The following RXYLT1 variants were observed in gnomAD, a reference collection of about 807,000 sequenced individuals.
RXYLT1 encodes ribitol-5-phosphate xylosyltransferase 1.
In RXYLT1, 41 loss-of-function variants were observed where a neutral mutation model predicts 43.5. The ratio of observed to expected loss-of-function variants is 0.94; its 90% CI spans 0.73 to 1.22. The LOEUF is 1.22. RXYLT1 is among the 50% of genes most tolerant of loss of function. The probability of loss-of-function intolerance (pLI) is 0.00; values close to 1 mark genes in which losing one functional copy is unlikely to be tolerated. For synonymous variants in RXYLT1, 166 were observed against 194.4 expected (o/e 0.85, Z 1.21); for missense variants, 514 against 532.0 (o/e 0.97, Z 0.33).
chr12:63,789,569 A>C (rs572553954), intron 3 of RXYLT1, among the ~76,000 whole-genome samples: 6 of 152,340 alleles, frequency 3.9e-5, no homozygotes, highest in South Asian at 4.1e-4. Flanking sequence ...GGATCACCAC[A>C]AACTTTCAAT....
intron 3 of RXYLT1, among the ~76,000 whole-genome samples, chr12:63,789,089 A>G (rs1403937627): frequency 6.6e-6 from 1 of 152,212 alleles, no homozygotes; most frequent in African/African-American, 2.4e-5. Context: ...CTAAGAATCC[A>G]TGCCTATATT....
intron 5 of RXYLT1, 142 bp downstream of exon 5, chr12:63,805,546 T>C (rs1363143168): frequency 2.5e-6 from 2 of 790,504 alleles, no homozygotes; most frequent in African/African-American, 3.6e-5. Flanking sequence ...TAATTAAAAC[T>C]GTGAAAAGAC....
chr12:63,799,776 G>A (rs1374396826), intron 3 of RXYLT1, among the ~76,000 whole-genome samples: 1 of 152,000 alleles, frequency 6.6e-6, no homozygotes. Context: ...AAGGAGGACT[G>A]GAAGACTTTC....
At chr12:63,807,041 T>C (rs936788613) in intron 5 of RXYLT1, 3 of 152,346 alleles carry the variant, frequency 2.0e-5, no homozygotes, top group African/African-American at 7.2e-5. Context: ...TTACACATAC[T>C]GCACCTTCTG....
At chr12:63,798,453 GTACA>G (rs896203085) in intron 3 of RXYLT1, among the ~76,000 whole-genome samples, 3 of 152,150 alleles carry the variant, frequency 2.0e-5, no homozygotes, top group African/African-American at 7.2e-5. Context: ...ACACACATAT[GTACA>G]TACATACATA....
chr12:63,787,664 G>A (rs1897835500), intron 3 of RXYLT1, among the ~76,000 whole-genome samples: 1 of 151,688 alleles, frequency 6.6e-6, no homozygotes, highest in South Asian at 2.1e-4. Context: ...GTCTTGTTCT[G>A]TCATCCAGGC....
rs576192923 is a variant in RXYLT1 at position 63,801,846 on chromosome 12, A to G, written c.429-245A>G. On this transcript the variant is annotated intron_variant, in intron 3 of 5. Coordinates refer to ENST00000261234, the MANE Select transcript of RXYLT1 (RefSeq NM_014254.3). The stretch of plus-strand genomic sequence containing the variant: ...CTCAAAAAAAAAACAAAAAAACACA[A>G]AACTATCACATTTTGTATTATCATA... 3.3e-5 allele frequency among the ~76,000 whole-genome samples: 5 copies of G among 152,166 alleles called. No homozygotes were observed. The East Asian group carries it at 7.7e-4, about 23-fold the overall frequency.
intron 2 of RXYLT1, chr12:63,782,731 A>C: frequency 2.5e-6 from 1 of 398,358 alleles, no homozygotes; most frequent in South Asian, 1.9e-5. Flanking sequence ...ATCTCTTCAA[A>C]GAGCCCTTTG....
chr12:63,801,776 T>G (rs1363568093), intron 3 of RXYLT1, among the ~76,000 whole-genome samples: 2 of 151,730 alleles, frequency 1.3e-5, no homozygotes, highest in African/African-American at 4.8e-5. Flanking sequence ...GAGCCAAGAT[T>G]GCACCACTGC....
Position 63,808,774 on chromosome 12 carries a change from C to G in RXYLT1, c.1014C>G (p.Cys338Trp). The change falls in exon 6 of 6, where the codon TGC (cysteine) becomes TGG (tryptophan). Residue 338 changes from cysteine (C) to tryptophan (W), a missense_variant. By Grantham distance (215) the Cys-to-Trp change is radical. Coordinates refer to ENST00000261234, the MANE Select transcript of RXYLT1 (RefSeq NM_014254.3). ...TLCPVGVNTE[C>W]YRIYEACSYG... Reference sequence around the variant, plus strand: ...GCCCGGTCGGAGTAAACACAGAATGCTATCGAATCTATGAGGCTTGCTCCT... The same window carrying G: ...GCCCGGTCGGAGTAAACACAGAATGGTATCGAATCTATGAGGCTTGCTCCT... The G allele has an allele frequency of 6.2e-7, 1 of 1,613,318 alleles. No individual in the cohort carries two copies. Among genetic ancestry groups the G allele is most frequent in the East Asian group, 2.2e-5 (1 of 44,872 alleles).
chr12:63,780,491 CAA>C (rs1897655046), intron 1 of RXYLT1: 1 of 1,097,926 alleles, frequency 9.1e-7, no homozygotes, highest in Admixed American at 5.2e-5. Flanking sequence ...CATGTTGAAA[CAA>C]AGCCCTCTCT....
chr12:63,808,839 G>T lies in RXYLT1; in HGVS notation c.1079G>T (p.Gly360Val). The change falls in exon 6 of 6, where the codon GGC (glycine) becomes GTC (valine). Residue 360 changes from glycine (G) to valine (V), a missense_variant. Physicochemically the swap from Gly to Val is moderately radical, Grantham distance 109. Transcript: ENST00000261234. Reference sequence around the variant, plus strand: ...GTGGTGGAAGACGTGATGACAGCTGGCAACTGTGGGAATACATCTGTGCAC... The same window carrying T: ...GTGGTGGAAGACGTGATGACAGCTGTCAACTGTGGGAATACATCTGTGCAC... ...IPVVEDVMTA[G>V]NCGNTSVHHG... The T allele has an allele frequency of 6.2e-7, 1 of 1,614,082 alleles. No individual in the cohort carries two copies. The highest frequency in any genetic ancestry group is 2.2e-5 in the East Asian group (1 of 44,878).
Position 63,802,209 on chromosome 12 carries a change from T to A in RXYLT1, c.547T>A (p.Tyr183Asn). ...KIFYATQWLL[Y>N]AQNLVQIQKL... is the part of the protein sequence containing the mutation. The stretch of plus-strand genomic sequence containing the variant: ...CTTTTATGCCACCCAGTGGTTACTT[T>A]ATGCACAAAATTTAGTGCAAATTCA... The change falls in exon 4 of 6, where the codon TAT becomes AAT. Residue 183 changes from tyrosine to asparagine, a missense_variant. Coordinates refer to ENST00000261234, the MANE Select transcript of RXYLT1 (RefSeq NM_014254.3). 6.2e-7 allele frequency: 1 copy of A among 1,614,152 alleles called. No individual in the cohort carries two copies. Among genetic ancestry groups the A allele is most frequent in the Non-Finnish European group, 8.5e-7 (1 of 1,180,020 alleles).
rs372706919 is a variant in RXYLT1 at position 63,802,504 on chromosome 12, G to T, written c.743+99G>T. On this transcript the variant is annotated intron_variant, in intron 4 of 5. Transcript: ENST00000261234. ...ATTGTAATAAATTTAGTTCTTCTGG[G>T]ATTATTGAGGCCAGGTACAGTCTTT... 1.3e-4 allele frequency: 152 copies of T among 1,127,406 alleles called. 1 individual carries two copies. The South Asian group carries it at 1.6e-3, about 12-fold the overall frequency. The allele number at this position is 1,127,406 out of a possible 1,614,324, so 69.8% of individuals were successfully genotyped here. A position where few individuals can be genotyped will look rare whatever the true frequency, so the allele number is the denominator to read the frequency against.
chr12:63,784,956 T>C lies in RXYLT1; in HGVS notation c.326-14T>C, dbSNP rs1897767133. 1.2e-6 allele frequency: 2 copies of C among 1,608,964 alleles called. No individual in the cohort carries two copies. The highest frequency in any genetic ancestry group is 1.3e-5 in the African/African-American group (1 of 74,144). The stretch of plus-strand genomic sequence containing the variant: ...GTAAATTGTTTTGATTTTGTTTTTG[T>C]TGTTAATTACCAGGCTTGTATCTCT... On this transcript the variant is annotated splice_polypyrimidine_tract_variant and intron_variant, in intron 2 of 5. Transcript: ENST00000261234.
intron 3 of RXYLT1, among the ~76,000 whole-genome samples, chr12:63,798,813 G>C (rs1297630661): frequency 7.2e-5 from 11 of 152,198 alleles, no homozygotes; most frequent in Admixed American, 7.2e-4. Context: ...AAGTTCTATA[G>C]TGCTCAACAG....
chr12:63,781,619 A>T, intron 2 of RXYLT1, among the ~76,000 whole-genome samples: 1 of 152,230 alleles, frequency 6.6e-6, no homozygotes, highest in East Asian at 1.9e-4. Flanking sequence ...CTTTAATATG[A>T]CAATGTTCAT....
chr12:63,780,993 G>A, intron 1 of RXYLT1, 26 bp from the exon 2 acceptor site: 1 of 1,523,244 alleles, frequency 6.6e-7, no homozygotes, highest in Non-Finnish European at 8.8e-7. Flanking sequence ...TACCTTACTG[G>A]TAAACACTTA....
intron 3 of RXYLT1, among the ~76,000 whole-genome samples, chr12:63,796,116 T>C (rs1247254198): frequency 2.6e-5 from 4 of 152,264 alleles, no homozygotes; most frequent in African/African-American, 9.6e-5. Flanking sequence ...CATATCTCTT[T>C]GGCTTCAGCC....
Sources: allele counts gnomAD v4.1 joint callset (sites outside exome capture counted in the v4.1 genomes callset), GRCh38; gene constraint gnomAD v4.1.1; transcripts MANE v1.5; gene names NCBI Gene and HGNC (gene_info 2026-07-23, HGNC 2026-07-21).